TMCC2: variants seen among roughly 807,000 people sequenced by gnomAD.
TMCC2 encodes the protein transmembrane and coiled-coil domains protein 2.
TMCC2 carries 16 observed loss-of-function variants against 49.4 expected under a neutral mutation model. The observed-to-expected ratio is 0.32, with a 90% CI of 0.22 to 0.49. The LOEUF is 0.49. Among genes scored for constraint, TMCC2 ranks in the 20% least tolerant of loss-of-function variants. The pLI, the probability that TMCC2 is intolerant of heterozygous loss-of-function variation, is 0.99. For synonymous variants in TMCC2, 397 were observed against 434.1 expected (o/e 0.91, Z 1.06); for missense variants, 762 against 989.8 (o/e 0.77, Z 3.09).
At chr1:205,271,050 T>G (rs1350697118) in intron 3 of TMCC2, 70 bp from the exon 4 acceptor site, 19 of 1,580,944 alleles carry the variant, frequency 1.2e-5, no homozygotes, top group Non-Finnish European at 1.6e-5. Flanking sequence ...AGAGAATGAA[T>G]GAATCAACTG....
chr1:205,251,200 A>G (rs892825437), intron 2 of TMCC2, among the ~76,000 whole-genome samples: 1 of 152,134 alleles, frequency 6.6e-6, no homozygotes, highest in Non-Finnish European at 1.5e-5. Flanking sequence ...GCTCCTAGGG[A>G]ATCAGAAGCT....
At chr1:205,259,637 G>A (rs1185848220) in intron 2 of TMCC2, among the ~76,000 whole-genome samples, 4 of 152,210 alleles carry the variant, frequency 2.6e-5, no homozygotes, top group Non-Finnish European at 4.4e-5. Flanking sequence ...GTGAGAGGAA[G>A]CACCGGTGTC....
chr1:205,235,498 G>C (rs1660002946), intron 1 of TMCC2, among the ~76,000 whole-genome samples: 1 of 152,190 alleles, frequency 6.6e-6, no homozygotes, highest in African/African-American at 2.4e-5. Flanking sequence ...AGTTTTCAAA[G>C]TGTGGGGTTA....
Position 205,271,151 on chromosome 1 carries a change from C to G in TMCC2, c.1714C>G (p.Leu572Val). ...GCGGCTGGAGGAGCAGCTCAACGACCTGACTGAGCTTCATCAGAACGAGAT... is the reference window on the plus strand; with the variant it reads ...GCGGCTGGAGGAGCAGCTCAACGACGTGACTGAGCTTCATCAGAACGAGAT... ...YERLEEQLND[L>V]TELHQNEMTN... Residue 572 changes from leucine to valine, a missense_variant, in exon 4 of 5, where the codon CTG becomes GTG. Transcript: ENST00000358024. 1.9e-6 allele frequency: 3 copies of G among 1,613,448 alleles called. No homozygotes were observed. The highest frequency in any genetic ancestry group is 2.5e-6 in the Non-Finnish European group (3 of 1,179,970).
At chr1:205,263,968 C>T (rs1661218821) in intron 2 of TMCC2, among the ~76,000 whole-genome samples, 1 of 152,182 alleles carries the variant, frequency 6.6e-6, no homozygotes, top group African/African-American at 2.4e-5. Context: ...TGGTGTAGTC[C>T]TGGGCAAGTT....
intron 2 of TMCC2, among the ~76,000 whole-genome samples, chr1:205,255,216 A>AG (rs1359429734): frequency 6.6e-6 from 1 of 151,704 alleles, no homozygotes; most frequent in Non-Finnish European, 1.5e-5. Flanking sequence ...AAAAAAAAAA[A>AG]AAAAAAATCC....
At chr1:205,229,022 G>T (rs1659674270) in intron 1 of TMCC2, 3 of 1,341,562 alleles carry the variant, frequency 2.2e-6, no homozygotes, top group Non-Finnish European at 2.9e-6. Flanking sequence ...ACCCATCCGA[G>T]ATTGTTTGAA....
chr1:205,269,788 G>A lies in TMCC2; in HGVS notation c.1586G>A (p.Gly529Glu). ...LLEELREIKE[G>E]QSHLEDSMED... ...GAAGAGCTACGGGAGATCAAGGAGG[G>A]ACAGTCTCACCTGGAGGACTCCATG... The change falls in exon 3 of 5, where the codon GGA becomes GAA. Residue 529 changes from glycine (G) to glutamate (E), a missense_variant. Physicochemically the swap from Gly to Glu is moderately conservative, Grantham distance 98. Coordinates refer to ENST00000358024, the MANE Select transcript of TMCC2 (RefSeq NM_014858.4). The A allele has an allele frequency of 6.2e-7, 1 of 1,614,168 alleles. No individual in the cohort carries two copies. Among genetic ancestry groups the A allele is most frequent in the African/African-American group, 1.3e-5 (1 of 75,050 alleles).
chr1:205,229,660 C>T (rs1196904047), intron 1 of TMCC2: 2 of 984,794 alleles, frequency 2.0e-6, no homozygotes, highest in Non-Finnish European at 1.2e-6. Context: ...GAACCAACCC[C>T]CAGGGTGGAG....
intron 1 of TMCC2, chr1:205,229,683 G>A: frequency 1.0e-6 from 1 of 985,570 alleles, no homozygotes; most frequent in Non-Finnish European, 1.2e-6. Context: ...CTGACAGGTG[G>A]TGGAGCAGTG....
At chr1:205,268,812 A>G (rs1661451938) in intron 2 of TMCC2, 138 bp from the exon 3 acceptor site, 4 of 780,578 alleles carry the variant, frequency 5.1e-6, no homozygotes, top group Non-Finnish European at 8.2e-6. Context: ...TGTCAGGGAT[A>G]CTGCTCTTGT....
At chr1:205,233,212 C>T (rs771416892) in intron 1 of TMCC2, among the ~76,000 whole-genome samples, 1 of 152,180 alleles carries the variant, frequency 6.6e-6, no homozygotes, top group Non-Finnish European at 1.5e-5. Flanking sequence ...TCCCCCTGGA[C>T]TTCCCCTAAG....
chr1:205,243,683 G>A (rs1179385817), intron 2 of TMCC2, among the ~76,000 whole-genome samples: 4 of 152,236 alleles, frequency 2.6e-5, no homozygotes. Context: ...GTTTTGGGGG[G>A]AAGGTGATGA....
chr1:205,228,657 G>T lies in TMCC2; in HGVS notation c.93G>T (p.Ala31=), dbSNP rs778120591. ...LEDAASHLPG[A]DLRPGETTGA... ...ATGCCGCTTCCCACCTGCCGGGCGC[G>T]GACCTCCGGCCTGGGGAGACCACGG... Residue 31 remains alanine, a synonymous_variant, in exon 1 of 5, where the codon GCG becomes GCT. Coordinates refer to ENST00000358024, the MANE Select transcript of TMCC2 (RefSeq NM_014858.4). 6.2e-7 allele frequency: 1 copy of T among 1,613,108 alleles called. No homozygotes were observed. Among genetic ancestry groups the T allele is most frequent in the Non-Finnish European group, 8.5e-7 (1 of 1,179,818 alleles).
At position 205,269,409 on chromosome 1, in the gene TMCC2, G is replaced by A. The variant is rs765467402; in HGVS notation, c.1207G>A (p.Val403Met). 6.2e-7 allele frequency: 1 copy of A among 1,606,388 alleles called. No homozygotes were observed. The highest frequency in any genetic ancestry group is 8.5e-7 in the Non-Finnish European group (1 of 1,174,730). Residue 403 changes from valine to methionine, a missense_variant, in exon 3 of 5, where the codon GTG becomes ATG. This residue lies in a region of TMCC2 where 440 missense variants were observed against 636.7 expected (regional missense o/e 0.69). Coordinates refer to ENST00000358024, the MANE Select transcript of TMCC2 (RefSeq NM_014858.4). ...CATCAGCGGCTTTGGGGGCGGCGTG[G>A]TGGAGGGCGTCAAGGGCAGCCTCTC... is the stretch of plus-strand genomic sequence containing the variant. ...AGISGFGGGV[V>M]EGVKGSLSGL...
chr1:205,232,010 G>C (rs1357890149), intron 1 of TMCC2, among the ~76,000 whole-genome samples: 1 of 152,156 alleles, frequency 6.6e-6, no homozygotes, highest in African/African-American at 2.4e-5. Context: ...TATTGGAAGA[G>C]GAGAGAATTT....
At chr1:205,265,357 G>T (rs1661279838) in intron 2 of TMCC2, among the ~76,000 whole-genome samples, 1 of 152,232 alleles carries the variant, frequency 6.6e-6, no homozygotes, top group African/African-American at 2.4e-5. Flanking sequence ...GAGCCAAGCT[G>T]CTAGGAAGGA....
intron 2 of TMCC2, among the ~76,000 whole-genome samples, chr1:205,267,516 G>T (rs1442462651): frequency 6.6e-6 from 1 of 152,068 alleles, no homozygotes; most frequent in African/African-American, 2.4e-5. Context: ...ACATGGGGTT[G>T]AGCCATTTCC....
rs117904339 is a variant in TMCC2 at position 205,239,673 on chromosome 1, G to A, written c.208-1832G>A. On this transcript the variant is annotated intron_variant, in intron 1 of 4. Transcript: ENST00000358024. ...CTTTGAAATGAAAAACCGTTAGTTC[G>A]TGATGAGTTGTGATGATGTAATTTA... 5.1e-4 allele frequency among the ~76,000 whole-genome samples: 78 copies of A among 152,322 alleles called. 1 individual carries two copies. The East Asian group carries it at 0.011, about 22-fold the overall frequency.
Sources: gnomAD v4.1 joint callset for allele counts (sites outside exome capture counted in the v4.1 genomes callset) on GRCh38, gnomAD v4.1.1 for gene constraint, gnomAD v4.1.1 regional missense constraint, MANE v1.5 for transcripts, NCBI Gene and HGNC (gene_info 2026-07-23, HGNC 2026-07-21) for gene names.